The following DCLK2 variants were observed in gnomAD, a reference collection of about 807,000 sequenced individuals.
DCLK2 encodes the protein serine/threonine-protein kinase DCLK2.
In DCLK2, 31 loss-of-function variants were observed where a neutral mutation model predicts 78.4. The ratio of observed to expected loss-of-function variants is 0.40; its 90% confidence interval spans 0.30 to 0.53. The LOEUF (loss-of-function observed/expected upper bound fraction) is 0.53. DCLK2 is among the 20% of genes least tolerant of loss of function. The pLI, the probability that DCLK2 is intolerant of heterozygous loss-of-function variation, is 0.61. For missense variants in DCLK2, 872 were observed against 973.7 expected (o/e 0.90, Z 1.39); for synonymous variants, 407 against 374.9 (o/e 1.09, Z -0.99).
At chr4:150,095,453 C>T (rs1730390344) in intron 1 of DCLK2, among the ~76,000 whole-genome samples, 1 of 152,180 alleles carries the variant, frequency 6.6e-6, no homozygotes, top group Non-Finnish European at 1.5e-5. Context: ...GCATATAGCT[C>T]TCATTTGTTC....
chr4:150,233,678 G>T (rs1203320589), intron 10 of DCLK2, among the ~76,000 whole-genome samples: 1 of 152,030 alleles, frequency 6.6e-6, no homozygotes, highest in Non-Finnish European at 1.5e-5. Flanking sequence ...TTATTCTACA[G>T]AATAAAAAGT....
At position 150,249,527 on chromosome 4, in the gene DCLK2, G is replaced by T. The variant is rs751585464; in HGVS notation, c.1957-41G>T. Reference sequence around the variant, plus strand: ...AAGGAAAAGACAACTCAAACGGGAGGATGGAAAAAGCATTGTATTTGATTG... The same window carrying T: ...AAGGAAAAGACAACTCAAACGGGAGTATGGAAAAAGCATTGTATTTGATTG... On this transcript the variant is annotated intron_variant, in intron 14 of 15. Transcript: ENST00000296550. The T allele has an allele frequency of 1.9e-6, 3 of 1,565,728 alleles. No homozygotes were observed. The South Asian group carries it at 3.3e-5, about 17-fold the overall frequency.
In DCLK2 at chr4:150,102,937, T is replaced by TTG. The variant is rs568327772; in HGVS notation, c.756+139_756+140dup. 387 of 848,918 alleles carry TTG rather than the reference T, an allele frequency of 4.6e-4. 2 individuals carry two copies. In the African/African-American group the frequency reaches 4.9e-3, roughly 11 times the overall value. 52.6% of individuals were successfully genotyped at this position (848,918 alleles called of 1,614,324 possible). On this transcript the variant is annotated intron_variant, in intron 2 of 15. Transcript: ENST00000296550. ...ATCCTTCTGGGAGTCATACTTGAGA[T>TTG]TGTGTGTGTGTGTGTATGTGTGTGT... is the stretch of plus-strand genomic sequence containing the variant.
intron 2 of DCLK2, among the ~76,000 whole-genome samples, chr4:150,161,580 T>G (rs1735710881): frequency 1.3e-5 from 2 of 152,138 alleles, no homozygotes; most frequent in East Asian, 3.8e-4. Context: ...TCACAGAAGA[T>G]CTCTGGAATC....
At chr4:150,163,293 G>T (rs1735837268) in intron 2 of DCLK2, among the ~76,000 whole-genome samples, 1 of 152,082 alleles carries the variant, frequency 6.6e-6, no homozygotes, top group Non-Finnish European at 1.5e-5. Flanking sequence ...AGCCACTTGG[G>T]GGGCTAAGGC....
chr4:150,221,538 G>A (rs1741188757), intron 6 of DCLK2, 139 bp from the exon 7 acceptor site: 4 of 545,510 alleles, frequency 7.3e-6, no homozygotes, highest in Non-Finnish European at 9.4e-6. Flanking sequence ...TTCTATTCAG[G>A]AAATGTGTGC....
chr4:150,177,386 A>G (rs973834765), intron 2 of DCLK2, among the ~76,000 whole-genome samples: 1 of 152,152 alleles, frequency 6.6e-6, no homozygotes, highest in Non-Finnish European at 1.5e-5. Flanking sequence ...CCCAAATGTC[A>G]AGCATTTGCT....
chr4:150,213,484 T>C (rs1421899303), intron 5 of DCLK2, among the ~76,000 whole-genome samples: 2 of 152,234 alleles, frequency 1.3e-5, no homozygotes, highest in Non-Finnish European at 2.9e-5. Flanking sequence ...TAATTCAGCA[T>C]TTATAATACT....
In DCLK2 at chr4:150,098,975, A is replaced by T. The variant is rs1027538863; in HGVS notation, c.422-3503A>T. Among the ~76,000 whole-genome samples, 3 of 152,206 alleles carry T rather than the reference A, an allele frequency of 2.0e-5. No homozygotes were observed. The East Asian group carries it at 5.8e-4, about 29-fold the overall frequency. On this transcript the variant is annotated intron_variant, in intron 1 of 15. Transcript: ENST00000296550. The stretch of plus-strand genomic sequence containing the variant: ...TCCCCAAAGTGCTGGGATTACAGGC[A>T]TGAGCCACCGTGCCTGGCCTCTCAC...
intron 8 of DCLK2, 51 bp from the exon 9 acceptor site, chr4:150,232,280 TCGAGAG>T (rs1742136018): frequency 6.3e-7 from 1 of 1,584,412 alleles, no homozygotes; most frequent in African/African-American, 1.3e-5. Context: ...CTCCAGGCCT[TCGAGAG>T]CAGAGGGTTC....
chr4:150,218,144 C>CTAGG (rs1740885853), intron 5 of DCLK2, among the ~76,000 whole-genome samples: 1 of 144,912 alleles, frequency 6.9e-6, no homozygotes, highest in African/African-American at 2.5e-5. Context: ...AGGCTTCAGC[C>CTAGG]TAGGTGCCAC....
intron 2 of DCLK2, among the ~76,000 whole-genome samples, chr4:150,143,617 T>C (rs77400376): frequency 6.6e-6 from 1 of 152,354 alleles, no homozygotes; most frequent in East Asian, 1.9e-4. Flanking sequence ...TTTTAGTTAT[T>C]TGAGATATCT....
chr4:150,209,856 A>C (rs548722655), intron 5 of DCLK2: 1 of 152,394 alleles, frequency 6.6e-6, no homozygotes, highest in Non-Finnish European at 1.5e-5. Flanking sequence ...TGGGTGGATC[A>C]CGAGTTCAGG....
At chr4:150,100,009 C>T (rs1189350106) in intron 1 of DCLK2, among the ~76,000 whole-genome samples, 1 of 152,142 alleles carries the variant, frequency 6.6e-6, no homozygotes, top group Admixed American at 6.5e-5. Context: ...AACTCCTGAG[C>T]TCAAGTGATC....
At chr4:150,144,694 T>A (rs1262564007) in intron 2 of DCLK2, among the ~76,000 whole-genome samples, 1 of 152,086 alleles carries the variant, frequency 6.6e-6, no homozygotes, top group Non-Finnish European at 1.5e-5. Flanking sequence ...TCAAGTGATC[T>A]TTTCACCTCA....
chr4:150,222,245 G>A (rs552515570), intron 7 of DCLK2, among the ~76,000 whole-genome samples: 14 of 152,192 alleles, frequency 9.2e-5, no homozygotes, highest in African/African-American at 3.4e-4. Flanking sequence ...ATGAGTGACT[G>A]TATCCAGCAG....
intron 12 of DCLK2, among the ~76,000 whole-genome samples, chr4:150,246,104 G>A (rs1316765251): frequency 1.3e-5 from 2 of 151,278 alleles, no homozygotes; most frequent in Non-Finnish European, 2.9e-5. Context: ...GAATGCAGTG[G>A]TGCGATCTCA....
At chr4:150,151,514 A>G (rs1287489344) in intron 2 of DCLK2, among the ~76,000 whole-genome samples, 2 of 152,250 alleles carry the variant, frequency 1.3e-5, no homozygotes, top group African/African-American at 4.8e-5. Context: ...AGTCCAGGAA[A>G]GTAGCATTTT....
chr4:150,251,384 C>A, intron 15 of DCLK2, among the ~76,000 whole-genome samples: 1 of 8,686 alleles, frequency 1.2e-4, no homozygotes, highest in East Asian at 3.0e-3. Flanking sequence ...ACCACACATC[C>A]CCACACACCT....
Sources: gnomAD v4.1 joint callset for allele counts (sites outside exome capture counted in the v4.1 genomes callset) on GRCh38, gnomAD v4.1.1 for gene constraint, MANE v1.5 for transcripts, NCBI Gene and HGNC (gene_info 2026-07-23, HGNC 2026-07-21) for gene names.